Variants in TRIO observed in about 807,000 individuals in gnomAD.
TRIO encodes triple functional domain protein.
In TRIO, 58 loss-of-function variants were observed where a neutral mutation model predicts 351.9. The ratio of observed to expected loss-of-function variants is 0.16; its 90% confidence interval spans 0.13 to 0.21. The LOEUF (loss-of-function observed/expected upper bound fraction) is 0.21. Ranked by LOEUF, TRIO falls within the 10% of genes least tolerant of loss-of-function variation. The pLI is 1.00. For synonymous variants in TRIO, 1,758 were observed against 1,595.7 expected, an observed-to-expected ratio of 1.10 and a Z score of -2.42; for missense variants, 3,201 against 4,027.8, an observed-to-expected ratio of 0.79 and a Z score of 5.56.
intron 1 of TRIO, among the ~76,000 whole-genome samples, chr5:14,260,946 G>A (rs1281729168): frequency 6.6e-6 from 1 of 152,158 alleles, no homozygotes; most frequent in Non-Finnish European, 1.5e-5. Context: ...GGATTGGTAG[G>A]CATTTGTTGG....
At position 14,432,248 on chromosome 5, in the gene TRIO, G is replaced by A. The variant is rs1270109865; in HGVS notation, c.5203+12227G>A. On this transcript the variant is annotated intron_variant, in intron 34 of 56. Coordinates refer to ENST00000344204, the MANE Select transcript of TRIO (RefSeq NM_007118.4). ...GAAAAGGGAAGCACAGAAAAATCAC[G>A]TAACCAAACATAGCAGGGGACGTAA... Among the ~76,000 whole-genome samples, 3 of 151,276 alleles carry A rather than the reference G, an allele frequency of 2.0e-5. No homozygotes were observed. The South Asian group carries it at 6.3e-4, about 32-fold the overall frequency.
At chr5:14,218,993 G>A (rs1419861426) in intron 1 of TRIO, among the ~76,000 whole-genome samples, 3 of 152,178 alleles carry the variant, frequency 2.0e-5, no homozygotes, top group African/African-American at 7.2e-5. Context: ...ACAAGATTTA[G>A]GACAAGTGCC....
chr5:14,205,575 C>T (rs1791404227), intron 1 of TRIO, among the ~76,000 whole-genome samples: 1 of 152,124 alleles, frequency 6.6e-6, no homozygotes, highest in Admixed American at 6.5e-5. Flanking sequence ...TTCATGAAAA[C>T]TACATATCAT....
chr5:14,329,552 A>G (rs1740714653), intron 9 of TRIO, among the ~76,000 whole-genome samples: 1 of 152,206 alleles, frequency 6.6e-6, no homozygotes, highest in South Asian at 2.1e-4. Context: ...ATGAAGCCCT[A>G]CATTTCTGTT....
chr5:14,371,448 G>A (rs1025259801), intron 18 of TRIO, among the ~76,000 whole-genome samples: 1 of 152,132 alleles, frequency 6.6e-6, no homozygotes, highest in Non-Finnish European at 1.5e-5. Context: ...GATTATCAAT[G>A]TATGGGCATA....
At chr5:14,446,853 T>G (rs892452032) in intron 34 of TRIO, among the ~76,000 whole-genome samples, 30 of 152,220 alleles carry the variant, frequency 2.0e-4, no homozygotes, top group African/African-American at 7.2e-4. Flanking sequence ...ATCTTCTGGT[T>G]CCTCATTCTA....
intron 34 of TRIO, among the ~76,000 whole-genome samples, chr5:14,427,912 G>A (rs560935950): frequency 2.0e-5 from 3 of 152,184 alleles, no homozygotes; most frequent in Non-Finnish European, 2.9e-5. Flanking sequence ...AGTCCCTGTC[G>A]CCTCACCACC....
chr5:14,227,979 C>A (rs1414229996), intron 1 of TRIO, among the ~76,000 whole-genome samples: 1 of 151,898 alleles, frequency 6.6e-6, no homozygotes, highest in East Asian at 1.9e-4. Flanking sequence ...GCCAAGTATT[C>A]CATTAATAGA....
chr5:14,179,031 C>T (rs1355919809), intron 1 of TRIO, among the ~76,000 whole-genome samples: 3 of 152,198 alleles, frequency 2.0e-5, no homozygotes, highest in African/African-American at 4.8e-5. Flanking sequence ...GGTCTTTGTA[C>T]TCCCCCCACC....
intron 37 of TRIO, among the ~76,000 whole-genome samples, chr5:14,468,961 G>C (rs1051218818): frequency 1.3e-5 from 2 of 152,222 alleles, no homozygotes; most frequent in African/African-American, 4.8e-5. Context: ...TCTTGATGCA[G>C]CTGGTTATTT....
Position 14,415,057 on chromosome 5 carries a change from G to A in TRIO, c.4960-4721G>A, listed in dbSNP as rs144421396. Among the ~76,000 whole-genome samples, 161 of 152,186 alleles carry A rather than the reference G, an allele frequency of 1.1e-3. 1 individual carries two copies. The East Asian group carries it at 0.011, about 10-fold the overall frequency. ...GGCCTACTCTGTGTGAAACCTTCAC[G>A]GAACCGCAAGACCCTTTTGTGAGGT... On this transcript the variant is annotated intron_variant, in intron 33 of 56. Coordinates refer to ENST00000344204, the MANE Select transcript of TRIO (RefSeq NM_007118.4).
intron 1 of TRIO, among the ~76,000 whole-genome samples, chr5:14,263,923 CT>C (rs1333952246): frequency 6.6e-6 from 1 of 152,200 alleles, no homozygotes; most frequent in African/African-American, 2.4e-5. Flanking sequence ...CTGTGCATAG[CT>C]CTGTGCTTGT....
chr5:14,434,744 T>G (rs565122537), intron 34 of TRIO, among the ~76,000 whole-genome samples: 4 of 152,242 alleles, frequency 2.6e-5, no homozygotes. Flanking sequence ...TTTAGGTTGA[T>G]GCAAAAGTAA....
In TRIO at chr5:14,364,789, G is replaced by T; in HGVS notation, c.2727G>T (p.Leu909=). 6.2e-7 allele frequency: 1 copy of T among 1,611,164 alleles called. No homozygotes were observed. Among genetic ancestry groups the T allele is most frequent in the Non-Finnish European group, 8.5e-7 (1 of 1,179,474 alleles). The change falls in exon 15 of 57, where the codon CTG becomes CTT. Residue 909 remains leucine, a synonymous_variant. Transcript: ENST00000344204. The stretch of plus-strand genomic sequence containing the variant: ...AACACCTGGAGCAGTGCGTGCAGCT[G>T]CGCCACCTGCAGGCAGAAGTGAAAC... ...HRKHLEQCVQ[L]RHLQAEVKQV...
intron 11 of TRIO, among the ~76,000 whole-genome samples, chr5:14,337,950 C>T (rs1741577816): frequency 6.6e-6 from 1 of 152,204 alleles, no homozygotes; most frequent in Non-Finnish European, 1.5e-5. Flanking sequence ...AGGATAGAAA[C>T]TGGCACAGCT....
At chr5:14,229,037 G>C (rs1793228930) in intron 1 of TRIO, among the ~76,000 whole-genome samples, 1 of 152,110 alleles carries the variant, frequency 6.6e-6, no homozygotes, top group Non-Finnish European at 1.5e-5. Flanking sequence ...AGACTATCCT[G>C]CTTATCTCAA....
intron 4 of TRIO, among the ~76,000 whole-genome samples, chr5:14,289,162 C>T (rs1190763261): frequency 2.6e-5 from 4 of 151,628 alleles, no homozygotes; most frequent in South Asian, 2.1e-4. Context: ...CCGAGGCGGG[C>T]GGATCACAAG....
intron 44 of TRIO, 107 bp from the exon 45 acceptor site, chr5:14,481,434 C>G: frequency 6.7e-7 from 1 of 1,497,822 alleles, no homozygotes; most frequent in Non-Finnish European, 9.3e-7. Flanking sequence ...GCCCTGCACA[C>G]TAGAGGGTGG....
intron 53 of TRIO, chr5:14,499,113 C>A: frequency 6.4e-6 from 1 of 156,930 alleles, no homozygotes; most frequent in Non-Finnish European, 1.4e-5. Context: ...CTGCGCAGGC[C>A]CTGTGCCTGT....
Sources: gnomAD v4.1 joint callset for allele counts (sites outside exome capture counted in the v4.1 genomes callset) on GRCh38, gnomAD v4.1.1 for gene constraint, MANE v1.5 for transcripts, NCBI Gene and HGNC (gene_info 2026-07-23, HGNC 2026-07-21) for gene names.